Variants in PTPRN2 observed in about 807,000 individuals in gnomAD.
PTPRN2 encodes protein tyrosine phosphatase receptor type N2, also known as receptor-type tyrosine-protein phosphatase N2.
Under a neutral mutation model 118.8 loss-of-function variants are expected in PTPRN2, and 74 were observed. That is an observed-to-expected ratio of 0.62 (90% CI 0.52 to 0.76). The LOEUF (loss-of-function observed/expected upper bound fraction) is 0.76, where lower values mean the gene tolerates loss of function less well. PTPRN2 is among the 30% of genes least tolerant of loss of function. PTPRN2 has a pLI of 0.00. For synonymous variants in PTPRN2, 641 were observed against 608.0 expected (o/e 1.05, Z -0.80); for missense variants, 1,481 against 1,394.4 (o/e 1.06, Z -0.99).
rs569526132 is a variant in PTPRN2 at position 158,251,644 on chromosome 7, TGTG to T, written c.278-46374_278-46372del. 1.1e-3 allele frequency among the ~76,000 whole-genome samples: 154 copies of T among 140,250 alleles called. 2 individuals carry two copies. The highest frequency in any genetic ancestry group is 4.0e-3 in the African/African-American group (150 of 37,830). 92.0% of individuals were successfully genotyped at this position (140,250 alleles called of 152,430 possible). A position where few individuals can be genotyped will look rare whatever the true frequency, so the allele number is the denominator to read the frequency against. ...GTGCAATGGATGTCTATGGTGCACA[TGTG>T]GTGTGCACAGGTGTGCAATGGATGT... On this transcript the variant is annotated intron_variant, in intron 3 of 22. Transcript: ENST00000389418.
Position 158,133,833 on chromosome 7 carries a change from G to C in PTPRN2, c.1400C>G (p.Ala467Gly). The change falls in exon 9 of 23, where the codon GCC (alanine) becomes GGC (glycine). Residue 467 changes from alanine to glycine, a missense_variant. Ala to Gly is a moderately conservative substitution (Grantham distance 60). Coordinates refer to ENST00000389418, the MANE Select transcript of PTPRN2 (RefSeq NM_002847.5). ...GTTTTGGAGCTCCCCAAACGCAGCGGCCCCGGGCTCCGAATGCGGCTGCTG... is the reference window on the plus strand; with the variant it reads ...GTTTTGGAGCTCCCCAAACGCAGCGCCCCCGGGCTCCGAATGCGGCTGCTG... ...LGQQPHSEPG[A>G]AAFGELQNQM... 1 of 1,613,974 alleles carries C rather than the reference G, an allele frequency of 6.2e-7. No homozygotes were observed. Among genetic ancestry groups the C allele is most frequent in the African/African-American group, 1.3e-5 (1 of 75,072 alleles).
At chr7:158,379,274 C>T (rs1294348281) in intron 2 of PTPRN2, among the ~76,000 whole-genome samples, 5 of 152,094 alleles carry the variant, frequency 3.3e-5, no homozygotes, top group East Asian at 1.9e-4. Flanking sequence ...GCAGGAGGAC[C>T]GGGGTAGGGA....
At chr7:157,791,823 G>C (rs1408584769) in intron 12 of PTPRN2, among the ~76,000 whole-genome samples, 1 of 152,244 alleles carries the variant, frequency 6.6e-6, no homozygotes, top group African/African-American at 2.4e-5. Context: ...GACCTGGAGG[G>C]TATCGCACCT....
chr7:157,953,503 C>A lies in PTPRN2; in HGVS notation c.1724-54766G>T, dbSNP rs969619902. On this transcript the variant is annotated intron_variant, in intron 11 of 22. Coordinates refer to ENST00000389418, the MANE Select transcript of PTPRN2 (RefSeq NM_002847.5). This position sits in a 1 kb window ranked among gnomAD's most constrained non-coding sequence, Gnocchi z 4.6. ...CCACCTTCTTCACACCATGAGGCTG[C>A]TGGCACGGGTGCCTTTGCTGCCGGC... Among the ~76,000 whole-genome samples the A allele has an allele frequency of 6.6e-6, 1 of 152,228 alleles. No individual in the cohort carries two copies. The highest frequency in any genetic ancestry group is 2.4e-5 in the African/African-American group (1 of 41,460).
chr7:158,236,703 C>T (rs577312090), intron 3 of PTPRN2, among the ~76,000 whole-genome samples: 19 of 152,324 alleles, frequency 1.2e-4, no homozygotes, highest in East Asian at 3.9e-4. Flanking sequence ...AACCTGTCCC[C>T]GCCTGGTCAC....
In PTPRN2 at chr7:158,089,813, GA is replaced by G. The variant is rs1813913428; in HGVS notation, c.1644-8437del. On this transcript the variant is annotated intron_variant, in intron 10 of 22. Coordinates refer to ENST00000389418, the MANE Select transcript of PTPRN2 (RefSeq NM_002847.5). ...ATCCTTCTTCCCCTGACGAAAGAGG[GA>G]GTCTTCACACACATCCTTCCTCCCC... Among the ~76,000 whole-genome samples, 4 of 130,082 alleles carry G rather than the reference GA, an allele frequency of 3.1e-5. 1 individual carries two copies. The highest frequency in any genetic ancestry group is 1.1e-4 in the African/African-American group (4 of 35,940). 85.3% of individuals were successfully genotyped at this position (130,082 alleles called of 152,430 possible). A position where few individuals can be genotyped will look rare whatever the true frequency, so the allele number is the denominator to read the frequency against.
intron 6 of PTPRN2, among the ~76,000 whole-genome samples, chr7:158,155,489 A>G (rs796383210): frequency 3.4e-5 from 5 of 148,764 alleles, no homozygotes; most frequent in Admixed American, 1.3e-4. Context: ...CATCATCATC[A>G]CCATCACCAT....
chr7:158,428,468 G>GGCGCCGGCC, intron 2 of PTPRN2, among the ~76,000 whole-genome samples: 1 of 152,326 alleles, frequency 6.6e-6, no homozygotes, highest in African/African-American at 2.4e-5. Context: ...ACCGATCTGA[G>GGCGCCGGCC]GAAACGGCTG....
chr7:158,265,888 G>C (rs1162253203), intron 3 of PTPRN2, among the ~76,000 whole-genome samples: 1 of 152,252 alleles, frequency 6.6e-6, no homozygotes, highest in East Asian at 1.9e-4. Context: ...ATCAGAGTCT[G>C]CGTGGGGGCT....
chr7:158,397,104 G>GT (rs1243401238), intron 2 of PTPRN2, among the ~76,000 whole-genome samples: 1 of 152,240 alleles, frequency 6.6e-6, no homozygotes, highest in Non-Finnish European at 1.5e-5. Flanking sequence ...GCCATCTGCT[G>GT]TAAGAGTGCC....
At position 157,927,227 on chromosome 7, in the gene PTPRN2, G is replaced by A. The variant is rs79774304; in HGVS notation, c.1724-28490C>T. Among the ~76,000 whole-genome samples the A allele has an allele frequency of 5.1e-5, 3 of 59,386 alleles. 1 individual carries two copies. The East Asian group carries it at 1.6e-3, about 32-fold the overall frequency. The allele number at this position is 59,386 out of a possible 152,430, so 39.0% of individuals were successfully genotyped here. A position where few individuals can be genotyped will look rare whatever the true frequency, so the allele number is the denominator to read the frequency against. ...CAAAGACAGGAAGCCCCAGGGACCC[G>A]TCTGAGAGCAGAGGCCTCGCGTCTT... On this transcript the variant is annotated intron_variant, in intron 11 of 22. Coordinates refer to ENST00000389418, the MANE Select transcript of PTPRN2 (RefSeq NM_002847.5).
intron 12 of PTPRN2, among the ~76,000 whole-genome samples, chr7:157,761,142 A>G (rs1440590538): frequency 2.6e-5 from 4 of 151,774 alleles, no homozygotes; most frequent in African/African-American, 7.3e-5. Flanking sequence ...ATGGGTAGGA[A>G]GAATCAATAT....
At chr7:158,479,485 G>A (rs1389689541) in intron 2 of PTPRN2, among the ~76,000 whole-genome samples, 1 of 152,182 alleles carries the variant, frequency 6.6e-6, no homozygotes, top group African/African-American at 2.4e-5. Flanking sequence ...CACAGGCTGC[G>A]TCTGCCAGCT....
rs142326271 is a variant in PTPRN2 at position 157,936,715 on chromosome 7, G to C, written c.1724-37978C>G. Among the ~76,000 whole-genome samples the C allele has an allele frequency of 1.3e-4, 19 of 151,718 alleles. No individual in the cohort carries two copies. The South Asian group carries it at 3.9e-3, about 32-fold the overall frequency. On this transcript the variant is annotated intron_variant, in intron 11 of 22. Transcript: ENST00000389418. ...CTACAGTGCAGGTCTGACACCTCCCGTGTCTCCTCCACTCGGAAGCCAGGG... is the reference window on the plus strand; with the variant it reads ...CTACAGTGCAGGTCTGACACCTCCCCTGTCTCCTCCACTCGGAAGCCAGGG...
At chr7:158,564,845 A>G (rs948754656) in intron 1 of PTPRN2, among the ~76,000 whole-genome samples, 2 of 152,240 alleles carry the variant, frequency 1.3e-5, no homozygotes, top group African/African-American at 4.8e-5. Context: ...CAGCCAGGAA[A>G]ATGAAGGGTC....
intron 2 of PTPRN2, among the ~76,000 whole-genome samples, chr7:158,331,239 C>G (rs76439551): frequency 6.9e-6 from 1 of 145,392 alleles, no homozygotes; most frequent in African/African-American, 2.6e-5. Flanking sequence ...CGCCCGCAGA[C>G]GTCACTCACA....
intron 11 of PTPRN2, among the ~76,000 whole-genome samples, chr7:158,014,832 C>T (rs1454960000): frequency 6.6e-6 from 1 of 152,038 alleles, no homozygotes; most frequent in African/African-American, 2.4e-5. Context: ...CATCCATCCA[C>T]CACACATCCA....
intron 2 of PTPRN2, among the ~76,000 whole-genome samples, chr7:158,365,843 C>CACACAG (rs1554480267): frequency 1.4e-5 from 2 of 145,154 alleles, no homozygotes; most frequent in Non-Finnish European, 3.0e-5. Flanking sequence ...CGTGCACACA[C>CACACAG]ACACACCCAC....
chr7:157,760,608 C>T (rs1802073028), intron 12 of PTPRN2, among the ~76,000 whole-genome samples: 1 of 152,132 alleles, frequency 6.6e-6, no homozygotes, highest in African/African-American at 2.4e-5. Flanking sequence ...CCCCTCAGCC[C>T]TCTTCTGGCC....
Sources: allele counts gnomAD v4.1 joint callset (sites outside exome capture counted in the v4.1 genomes callset), GRCh38; gene constraint gnomAD v4.1.1; non-coding constraint Gnocchi (gnomAD v3.1); transcripts MANE v1.5; gene names NCBI Gene and HGNC (gene_info 2026-07-23, HGNC 2026-07-21).